The following NFKB1 variants were observed in gnomAD, a reference collection of about 807,000 sequenced individuals.
NFKB1 encodes the protein nuclear factor kappa B subunit 1, also known as nuclear factor NF-kappa-B p105 subunit.
NFKB1 carries 9 observed loss-of-function variants against 105.1 expected under a neutral mutation model. That is an observed-to-expected ratio of 0.09 (90% CI 0.05 to 0.15). The LOEUF (loss-of-function observed/expected upper bound fraction) is 0.15, where lower values mean the gene tolerates loss of function less well. Among genes scored for constraint, NFKB1 ranks in the 10% least tolerant of loss-of-function variants. The pLI is 1.00. For missense variants in NFKB1, 830 were observed against 1,203.7 expected (o/e 0.69, Z 4.59); for synonymous variants, 440 against 442.2 (o/e 1.00, Z 0.06).
intron 23 of NFKB1, among the ~76,000 whole-genome samples, chr4:102,615,201 T>A (rs1728833423): frequency 6.6e-6 from 1 of 152,254 alleles, no homozygotes; most frequent in East Asian, 1.9e-4. Context: ...TGATCCAGCA[T>A]ACACTGTGTG....
At chr4:102,591,240 C>G (rs1726142317) in intron 11 of NFKB1, among the ~76,000 whole-genome samples, 1 of 152,086 alleles carries the variant, frequency 6.6e-6, no homozygotes, top group African/African-American at 2.4e-5. Flanking sequence ...AAGATGCCAT[C>G]TAGGACTTTC....
At chr4:102,545,088 T>G (rs766000648) in intron 5 of NFKB1, among the ~76,000 whole-genome samples, 44 of 152,272 alleles carry the variant, frequency 2.9e-4, no homozygotes, top group Admixed American at 1.2e-3. Flanking sequence ...TATTGGCAAT[T>G]CGCCTTGATA....
At chr4:102,563,037 C>G (rs911080096) in intron 5 of NFKB1, among the ~76,000 whole-genome samples, 1 of 152,190 alleles carries the variant, frequency 6.6e-6, no homozygotes, top group Non-Finnish European at 1.5e-5. Flanking sequence ...ATTTCAAATC[C>G]TGATTCCTAG....
intron 5 of NFKB1, among the ~76,000 whole-genome samples, chr4:102,559,265 T>TA (rs1723212479): frequency 2.0e-5 from 3 of 152,322 alleles, no homozygotes; most frequent in Admixed American, 2.0e-4. Context: ...GTTTTTGTTT[T>TA]AACTTTTTAA....
At chr4:102,583,490 C>T (rs952484361) in intron 10 of NFKB1, among the ~76,000 whole-genome samples, 1 of 152,120 alleles carries the variant, frequency 6.6e-6, no homozygotes, top group African/African-American at 2.4e-5. Context: ...TAATTGCTGC[C>T]TAATCCCCTA....
intron 1 of NFKB1, among the ~76,000 whole-genome samples, chr4:102,517,650 A>G (rs930396697): frequency 1.9e-4 from 29 of 152,202 alleles, no homozygotes; most frequent in African/African-American, 7.0e-4. Flanking sequence ...TATAGATATT[A>G]TGTGACTACA....
intron 5 of NFKB1, among the ~76,000 whole-genome samples, chr4:102,555,068 GAGGAGTTAGTAAAA>G (rs937005088): frequency 6.6e-6 from 1 of 152,152 alleles, no homozygotes; most frequent in African/African-American, 2.4e-5. Context: ...GTTTCAAGCA[GAGGAGTTAGTAAAA>G]TTCCAAAAGT....
intron 10 of NFKB1, 137 bp downstream of exon 10, chr4:102,583,094 C>G (rs552170698): frequency 3.8e-6 from 2 of 523,016 alleles, no homozygotes; most frequent in Non-Finnish European, 6.7e-6. Context: ...ATCCTCCTGT[C>G]TCAACCTACC....
intron 11 of NFKB1, among the ~76,000 whole-genome samples, chr4:102,590,095 G>A (rs1180678859): frequency 5.3e-5 from 8 of 152,140 alleles, no homozygotes; most frequent in East Asian, 1.9e-4. Flanking sequence ...CAGATCCCTT[G>A]GTTACTGTTT....
At chr4:102,589,192 A>G (rs569563126) in intron 11 of NFKB1, among the ~76,000 whole-genome samples, 40 of 152,340 alleles carry the variant, frequency 2.6e-4, no homozygotes, top group African/African-American at 8.2e-4. Context: ...TTTAAAAGGT[A>G]AAATGAATAC....
chr4:102,579,425 T>C (rs1725136596), intron 8 of NFKB1, among the ~76,000 whole-genome samples: 1 of 152,204 alleles, frequency 6.6e-6, no homozygotes, highest in South Asian at 2.1e-4. Context: ...ACAACTATTA[T>C]TCTTACCCAT....
Position 102,593,503 on chromosome 4 carries a change from G to A in NFKB1, c.1145G>A (p.Gly382Glu). The A allele has an allele frequency of 1.2e-6, 2 of 1,613,580 alleles. No individual in the cohort carries two copies. Among genetic ancestry groups the A allele is most frequent in the South Asian group, 2.2e-5 (2 of 91,042 alleles). The change falls in exon 12 of 24, where the codon GGA becomes GAA. Residue 382 changes from glycine to glutamate, a missense_variant. Transcript: ENST00000226574. Reference sequence around the variant, plus strand: ...AGTTTCGGCGGTGGTAGTGGTGCTGGAGCTGGAGGCGGAGGCATGTTTGGT... The same window carrying A: ...AGTTTCGGCGGTGGTAGTGGTGCTGAAGCTGGAGGCGGAGGCATGTTTGGT... ...SDSFGGGSGA[G>E]AGGGGMFGSG...
intron 1 of NFKB1, among the ~76,000 whole-genome samples, chr4:102,512,021 T>C (rs1309648494): frequency 6.6e-6 from 1 of 151,954 alleles, no homozygotes; most frequent in African/African-American, 2.4e-5. Flanking sequence ...AAGGTGCTAA[T>C]AATGAGCTTC....
intron 23 of NFKB1, among the ~76,000 whole-genome samples, chr4:102,615,857 T>TA (rs1240269513): frequency 6.6e-6 from 1 of 152,234 alleles, no homozygotes; most frequent in African/African-American, 2.4e-5. Context: ...GTATAGGAAA[T>TA]AATTTGTCTT....
chr4:102,594,329 A>C (rs1389415832), intron 12 of NFKB1, among the ~76,000 whole-genome samples: 3 of 152,146 alleles, frequency 2.0e-5, no homozygotes, highest in African/African-American at 7.2e-5. Context: ...CTGTCCACCT[A>C]ACTTTTCACT....
intron 16 of NFKB1, among the ~76,000 whole-genome samples, chr4:102,604,887 T>C (rs1727554145): frequency 6.6e-6 from 1 of 151,944 alleles, no homozygotes; most frequent in Non-Finnish European, 1.5e-5. Flanking sequence ...CATGAAGGTA[T>C]AATTGTTTAA....
rs1290915744 is a variant in NFKB1 at position 102,518,324 on chromosome 4, A to G, written c.-7-7188A>G. Among the ~76,000 whole-genome samples the G allele has an allele frequency of 3.3e-5, 5 of 152,180 alleles. No individual in the cohort carries two copies. In the East Asian group the frequency reaches 9.6e-4, roughly 29 times the overall value. ...CACTCTGAAAGTTTTAACAGTTTTA[A>G]TTTTATGTATACACCACAGTGTTTT... is the stretch of plus-strand genomic sequence containing the variant. On this transcript the variant is annotated intron_variant, in intron 1 of 23. Transcript: ENST00000226574.
At chr4:102,518,049 GTC>G (rs1478311186) in intron 1 of NFKB1, among the ~76,000 whole-genome samples, 1 of 152,098 alleles carries the variant, frequency 6.6e-6, no homozygotes, top group Non-Finnish European at 1.5e-5. Flanking sequence ...AGCAATAAAG[GTC>G]TCTCCTAGGA....
At chr4:102,555,075 T>C (rs1722885373) in intron 5 of NFKB1, among the ~76,000 whole-genome samples, 1 of 152,124 alleles carries the variant, frequency 6.6e-6, no homozygotes, top group South Asian at 2.1e-4. Flanking sequence ...GCAGAGGAGT[T>C]AGTAAAATTC....
Sources: allele counts gnomAD v4.1 joint callset (sites outside exome capture counted in the v4.1 genomes callset), GRCh38; gene constraint gnomAD v4.1.1; transcripts MANE v1.5; gene names NCBI Gene and HGNC (gene_info 2026-07-23, HGNC 2026-07-21).